The following LTBP1 variants were observed in gnomAD, a reference collection of about 807,000 sequenced individuals.
The protein encoded by LTBP1 is latent transforming growth factor beta binding protein 1.
A neutral mutation model predicts 207.6 loss-of-function variants in LTBP1; 129 were observed. The ratio of observed to expected loss-of-function variants is 0.62; its 90% CI spans 0.54 to 0.72. The LOEUF (loss-of-function observed/expected upper bound fraction) is 0.72, where lower values mean the gene tolerates loss of function less well. Ranked by LOEUF, LTBP1 falls within the 30% of genes least tolerant of loss-of-function variation. The probability of loss-of-function intolerance (pLI) is 0.00; values close to 1 mark genes in which losing one functional copy is unlikely to be tolerated. For synonymous variants in LTBP1, 963 were observed against 833.7 expected (o/e 1.16, Z -2.67); for missense variants, 2,281 against 2,217.2 (o/e 1.03, Z -0.58).
At position 33,273,732 on chromosome 2, in the gene LTBP1, T is replaced by C. The variant is rs781311204; in HGVS notation, c.2694T>C (p.Cys898=). ...TTAACCTACCAGTGAGATATACCTGTATATGCTACGAGGGCTACAGGTTCA... is the reference window on the plus strand; with the variant it reads ...TTAACCTACCAGTGAGATATACCTGCATATGCTACGAGGGCTACAGGTTCA... ...HCINLPVRYT[C]ICYEGYRFSE... Residue 898 remains cysteine (C), a synonymous_variant, in exon 16 of 34, where the codon TGT becomes TGC. Coordinates refer to ENST00000404816, the MANE Select transcript of LTBP1 (RefSeq NM_206943.4). The C allele has an allele frequency of 1.1e-5, 17 of 1,612,090 alleles. No homozygotes were observed. In the South Asian group the frequency reaches 1.9e-4, roughly 18 times the overall value.
chr2:33,086,726 C>A (rs1285925115), intron 3 of LTBP1, among the ~76,000 whole-genome samples: 1 of 151,770 alleles, frequency 6.6e-6, no homozygotes, highest in East Asian at 1.9e-4. Context: ...TCTCTACTGG[C>A]TTTGTTGGCA....
At chr2:33,244,001 T>C (rs1489082184) in intron 10 of LTBP1, among the ~76,000 whole-genome samples, 2 of 152,172 alleles carry the variant, frequency 1.3e-5, no homozygotes, top group Admixed American at 6.5e-5. Flanking sequence ...GATAAAAATA[T>C]AATAGCTAAA....
intron 10 of LTBP1, among the ~76,000 whole-genome samples, chr2:33,251,586 A>G (rs902316169): frequency 6.6e-6 from 1 of 150,382 alleles, no homozygotes; most frequent in Non-Finnish European, 1.5e-5. Context: ...AATGGCGTGA[A>G]CCCGGGAGGT....
rs578007752 is a variant in LTBP1, at chr2:33,006,476, C to T, written c.566-14433C>T. On this transcript the variant is annotated intron_variant, in intron 2 of 33. Coordinates refer to ENST00000404816, the MANE Select transcript of LTBP1 (RefSeq NM_206943.4). ...TTGGCTCACTGCACCCTCCGCCTCC[C>T]GGTTCAAGTGATTCTCCTGCTTCAG... 9.3e-5 allele frequency among the ~76,000 whole-genome samples: 14 copies of T among 150,186 alleles called. No homozygotes were observed. In the East Asian group the frequency reaches 2.2e-3, roughly 24 times the overall value.
At chr2:32,977,231 C>T (rs62135705) in intron 2 of LTBP1, among the ~76,000 whole-genome samples, 2,769 of 152,320 alleles carry the variant, frequency 0.018, 39 homozygotes, top group Non-Finnish European at 0.026. Flanking sequence ...GAGGTTAAGT[C>T]TGCCTGCTGA....
At chr2:33,221,483 A>G (rs932040833) in intron 8 of LTBP1, among the ~76,000 whole-genome samples, 1 of 152,154 alleles carries the variant, frequency 6.6e-6, no homozygotes, top group Non-Finnish European at 1.5e-5. Context: ...CAACATTTGT[A>G]TTGTTTGCAT....
chr2:33,242,645 TG>T (rs1274490307), intron 9 of LTBP1, among the ~76,000 whole-genome samples: 19 of 150,292 alleles, frequency 1.3e-4, no homozygotes, highest in African/African-American at 4.2e-4. Flanking sequence ...TTTCTCATGA[TG>T]TGTAGTCCAG....
chr2:33,336,878 T>C (rs1196284613), intron 24 of LTBP1, among the ~76,000 whole-genome samples: 1 of 152,162 alleles, frequency 6.6e-6, no homozygotes, highest in Non-Finnish European at 1.5e-5. Context: ...TAGACACAAA[T>C]ACCCCTTTCT....
intron 9 of LTBP1, among the ~76,000 whole-genome samples, chr2:33,230,566 T>C (rs555925975): frequency 6.6e-6 from 1 of 152,308 alleles, no homozygotes; most frequent in South Asian, 2.1e-4. Context: ...ATTATTATGC[T>C]ATAAAGGTCT....
At chr2:33,103,207 C>T (rs2079840921) in intron 3 of LTBP1, among the ~76,000 whole-genome samples, 2 of 151,254 alleles carry the variant, frequency 1.3e-5, no homozygotes, top group South Asian at 4.2e-4. Flanking sequence ...TATGCAGTCT[C>T]TATGTTGTAT....
At chr2:33,052,113 C>A (rs1041662078) in intron 3 of LTBP1, among the ~76,000 whole-genome samples, 1 of 152,238 alleles carries the variant, frequency 6.6e-6, no homozygotes, top group Non-Finnish European at 1.5e-5. Flanking sequence ...CTTCGATGTA[C>A]TTTCCTGTCC....
intron 3 of LTBP1, among the ~76,000 whole-genome samples, chr2:33,095,312 C>T (rs2079324805): frequency 1.3e-5 from 2 of 152,062 alleles, no homozygotes; most frequent in Admixed American, 6.6e-5. Flanking sequence ...AAAGAAGGGA[C>T]CCCCAAACAT....
chr2:33,338,910 G>C (rs1459646957), intron 24 of LTBP1, among the ~76,000 whole-genome samples: 2 of 152,180 alleles, frequency 1.3e-5, no homozygotes, highest in African/African-American at 4.8e-5. Flanking sequence ...GAGGAAGGGT[G>C]CTCCATGCCC....
chr2:33,172,715 T>A (rs1292892200), intron 5 of LTBP1, among the ~76,000 whole-genome samples: 1 of 152,170 alleles, frequency 6.6e-6, no homozygotes, highest in Non-Finnish European at 1.5e-5. Flanking sequence ...TTTTCAGCAC[T>A]GCACAACACC....
intron 15 of LTBP1, among the ~76,000 whole-genome samples, chr2:33,267,084 C>T (rs2093203396): frequency 6.6e-6 from 1 of 152,248 alleles, no homozygotes; most frequent in Non-Finnish European, 1.5e-5. Flanking sequence ...ATGCTGGTGC[C>T]TGCAGCAGAA....
chr2:33,172,589 G>A (rs201677648), intron 5 of LTBP1, among the ~76,000 whole-genome samples: 2 of 152,148 alleles, frequency 1.3e-5, no homozygotes. Context: ...ACATTAGACA[G>A]ATCAGCGAGA....
At chr2:33,208,536 T>C (rs1377947) in intron 7 of LTBP1, among the ~76,000 whole-genome samples, 83,118 of 151,868 alleles carry the variant, frequency 0.55, 22,909 homozygotes, top group Middle Eastern at 0.61. Flanking sequence ...TAGGTTGGCC[T>C]AGGTCAGGGT....
At chr2:33,162,279 A>G (rs1424546327) in intron 5 of LTBP1, among the ~76,000 whole-genome samples, 1 of 152,248 alleles carries the variant, frequency 6.6e-6, no homozygotes, top group Non-Finnish European at 1.5e-5. Context: ...TGCCACAGTG[A>G]TAGTGGTCAA....
chr2:33,337,924 G>A (rs888510819), intron 24 of LTBP1, among the ~76,000 whole-genome samples: 3 of 152,064 alleles, frequency 2.0e-5, no homozygotes, highest in South Asian at 2.1e-4. Flanking sequence ...AGAATTACTC[G>A]TATTTGTAGC....
Sources: gnomAD v4.1 joint callset for allele counts (sites outside exome capture counted in the v4.1 genomes callset) on GRCh38, gnomAD v4.1.1 for gene constraint, MANE v1.5 for transcripts, NCBI Gene and HGNC (gene_info 2026-07-23, HGNC 2026-07-21) for gene names.